Variants in ZBTB38 observed in about 807,000 individuals in gnomAD.
The protein encoded by ZBTB38 is zinc finger and BTB domain containing 38.
A neutral mutation model predicts 76.8 loss-of-function variants in ZBTB38; 20 were observed. The observed-to-expected ratio is 0.26, with a 90% CI of 0.18 to 0.38. The LOEUF is 0.38. Ranked by LOEUF, ZBTB38 falls within the 10% of genes least tolerant of loss-of-function variation. The pLI, the probability that ZBTB38 is intolerant of heterozygous loss-of-function variation, is 1.00. For missense variants in ZBTB38, 1,082 were observed against 1,482.3 expected (o/e 0.73, Z 4.43); for synonymous variants, 504 against 544.2 (o/e 0.93, Z 1.03).
At chr3:141,349,256 C>T (rs1943453546) in intron 1 of ZBTB38, among the ~76,000 whole-genome samples, 1 of 152,146 alleles carries the variant, frequency 6.6e-6, no homozygotes, top group Non-Finnish European at 1.5e-5. Flanking sequence ...AGCTGAGTCC[C>T]TACCAAGTAA....
intron 1 of ZBTB38, among the ~76,000 whole-genome samples, chr3:141,327,910 G>A (rs1407159301): frequency 6.6e-6 from 1 of 152,176 alleles, no homozygotes; most frequent in Non-Finnish European, 1.5e-5. Flanking sequence ...CTGAGACTCT[G>A]TGTCTTCCAA....
intron 1 of ZBTB38, among the ~76,000 whole-genome samples, chr3:141,346,782 T>TTTTTTTTGTGTGTG (rs150173767): frequency 1.3e-3 from 190 of 144,680 alleles, no homozygotes; most frequent in Non-Finnish European, 2.5e-3. Context: ...TTGTTTTGTT[T>TTTTTTTTGTGTGTG]TGTGTGTGTG....
intron 1 of ZBTB38, among the ~76,000 whole-genome samples, chr3:141,362,957 A>G (rs1385954739): frequency 3.3e-5 from 5 of 151,490 alleles, no homozygotes; most frequent in Middle Eastern, 3.2e-3. Flanking sequence ...TATCTTATTT[A>G]ATCTGCATAA....
At chr3:141,395,264 G>A (rs1950091799) in intron 4 of ZBTB38, among the ~76,000 whole-genome samples, 1 of 152,284 alleles carries the variant, frequency 6.6e-6, no homozygotes, top group East Asian at 1.9e-4. Flanking sequence ...GTTAACATCA[G>A]GTTACTGCAG....
intron 4 of ZBTB38, among the ~76,000 whole-genome samples, chr3:141,393,330 G>T (rs558288797): frequency 1.3e-5 from 2 of 152,194 alleles, no homozygotes; most frequent in Non-Finnish European, 2.9e-5. Context: ...CTTCCCCAGC[G>T]CTGAGCATGA....
intron 5 of ZBTB38, among the ~76,000 whole-genome samples, chr3:141,410,615 A>G (rs1956306914): frequency 6.6e-6 from 1 of 152,224 alleles, no homozygotes; most frequent in African/African-American, 2.4e-5. Context: ...CTGGGCTTCC[A>G]GCAGACACAC....
At chr3:141,414,075 C>T (rs563482345) in intron 5 of ZBTB38, among the ~76,000 whole-genome samples, 2 of 152,264 alleles carry the variant, frequency 1.3e-5, no homozygotes, top group African/African-American at 4.8e-5. Flanking sequence ...ATTTCACAGG[C>T]AGAACAAAAC....
chr3:141,348,790 A>G (rs993818297), intron 1 of ZBTB38, among the ~76,000 whole-genome samples: 3 of 152,212 alleles, frequency 2.0e-5, no homozygotes, highest in Non-Finnish European at 2.9e-5. Context: ...AGACCCCACT[A>G]AAATGATAGT....
chr3:141,370,986 C>T (rs928121323), intron 2 of ZBTB38, among the ~76,000 whole-genome samples: 11 of 151,386 alleles, frequency 7.3e-5, no homozygotes, highest in East Asian at 1.9e-4. Context: ...TGAAAATTCC[C>T]GAAGGTTAGA....
At position 141,443,343 on chromosome 3, in the gene ZBTB38, T is replaced by C; in HGVS notation, c.955T>C (p.Ser319Pro). Residue 319 changes from serine to proline, a missense_variant, in exon 6 of 6, where the codon TCC becomes CCC. Coordinates refer to ENST00000321464, the MANE Select transcript of ZBTB38 (RefSeq NM_001376113.1). This position sits in a 1 kb window ranked among gnomAD's most constrained non-coding sequence, Gnocchi z 5.6. ...SPNNEGDVHFSREDENQSSDV... is the reference protein window; with the variant it reads ...SPNNEGDVHFPREDENQSSDV... ...AAACAATGAAGGAGATGTCCATTTT[T>C]CCAGGGAAGATGAAAATCAATCTTC... The C allele has an allele frequency of 6.2e-7, 1 of 1,614,048 alleles. No homozygotes were observed. Among genetic ancestry groups the C allele is most frequent in the Non-Finnish European group, 8.5e-7 (1 of 1,180,008 alleles).
intron 1 of ZBTB38, among the ~76,000 whole-genome samples, chr3:141,329,993 GTA>G (rs960018424): frequency 6.6e-6 from 1 of 150,996 alleles, no homozygotes; most frequent in African/African-American, 2.4e-5. Flanking sequence ...TACATATATT[GTA>G]TATATATATC....
At chr3:141,406,683 G>A (rs1954593815) in intron 5 of ZBTB38, among the ~76,000 whole-genome samples, 1 of 152,140 alleles carries the variant, frequency 6.6e-6, no homozygotes, top group Non-Finnish European at 1.5e-5. Context: ...GGTTGAGGAT[G>A]GAGCCTTTTG....
intron 5 of ZBTB38, among the ~76,000 whole-genome samples, chr3:141,429,764 G>A (rs2077085570): frequency 1.3e-5 from 2 of 152,248 alleles, no homozygotes; most frequent in South Asian, 2.1e-4. Context: ...TTTGAGCTGG[G>A]CCTGAAGCAC....
At chr3:141,334,675 G>A (rs1336797005) in intron 1 of ZBTB38, among the ~76,000 whole-genome samples, 1 of 152,050 alleles carries the variant, frequency 6.6e-6, no homozygotes, top group Non-Finnish European at 1.5e-5. Context: ...GTGGTCTGCA[G>A]TGCCTCTCCC....
intron 5 of ZBTB38, among the ~76,000 whole-genome samples, chr3:141,430,849 C>T (rs1577380894): frequency 6.6e-6 from 1 of 152,120 alleles, no homozygotes; most frequent in South Asian, 2.1e-4. Flanking sequence ...AGGTACAGAG[C>T]CACCTTCCAT....
chr3:141,392,809 C>T (rs1385669812), intron 4 of ZBTB38: 2 of 151,564 alleles, frequency 1.3e-5, no homozygotes, highest in African/African-American at 4.8e-5. Context: ...TTCTTACCTT[C>T]CCTGGTTGAC....
At chr3:141,342,137 C>T (rs1943213095) in intron 1 of ZBTB38, among the ~76,000 whole-genome samples, 1 of 152,042 alleles carries the variant, frequency 6.6e-6, no homozygotes, top group Non-Finnish European at 1.5e-5. Context: ...CTATCCTGGC[C>T]AACATGGTGA....
At chr3:141,437,868 GA>G (rs2079137693) in intron 5 of ZBTB38, among the ~76,000 whole-genome samples, 1 of 152,086 alleles carries the variant, frequency 6.6e-6, no homozygotes, top group African/African-American at 2.4e-5. Flanking sequence ...TCGTTCAAAG[GA>G]GGGATGAACG....
At position 141,445,797 on chromosome 3, in the gene ZBTB38, G is replaced by C. The variant is rs768871143; in HGVS notation, c.3409G>C (p.Ala1137Pro). 182 of 1,614,088 alleles carry C rather than the reference G, an allele frequency of 1.1e-4. No homozygotes were observed. The highest frequency in any genetic ancestry group is 1.5e-4 in the Non-Finnish European group (173 of 1,180,042). The change falls in exon 6 of 6, where the codon GCT becomes CCT. Residue 1137 changes from alanine (A) to proline (P), a missense_variant. Ala to Pro is a conservative substitution (Grantham distance 27, BLOSUM62 -1). Around this residue, in one of 8 missense-constraint regions of ZBTB38, gnomAD observed 69 missense variants for 148.2 expected, o/e 0.47. Coordinates refer to ENST00000321464, the MANE Select transcript of ZBTB38 (RefSeq NM_001376113.1). The surrounding 1 kb of genome is among the most constrained non-coding windows in gnomAD (Gnocchi z 6.5). ...CFQCPKICKTAAALGMHQKKH... is the reference protein window; with the variant it reads ...CFQCPKICKTPAALGMHQKKH... ...CCAGTGCCCCAAAATTTGCAAAACA[G>C]CTGCTGCCCTTGGAATGCACCAAAA...
Sources: allele counts gnomAD v4.1 joint callset (sites outside exome capture counted in the v4.1 genomes callset), GRCh38; gene constraint gnomAD v4.1.1; regional missense constraint gnomAD v4.1.1; non-coding constraint Gnocchi (gnomAD v3.1); transcripts MANE v1.5; gene names NCBI Gene and HGNC (gene_info 2026-07-23, HGNC 2026-07-21).